The following ZFP62 variants were observed in gnomAD, a reference collection of about 807,000 sequenced individuals.
ZFP62 encodes the protein ZFP62 zinc finger protein, also known as zinc finger protein 62 homolog.
In ZFP62, 44 loss-of-function variants were observed where a neutral mutation model predicts 56.4. That is an observed-to-expected ratio of 0.78 (90% CI 0.61 to 1.00). The LOEUF is 1.00. Ranked by LOEUF, ZFP62 falls within the 50% of genes least tolerant of loss-of-function variation. ZFP62 has a pLI of 0.00. For missense variants in ZFP62, 1,030 were observed against 1,085.7 expected (o/e 0.95, Z 0.72); for synonymous variants, 421 against 388.9 (o/e 1.08, Z -0.97).
intron 1 of ZFP62, among the ~76,000 whole-genome samples, chr5:180,854,688 A>G (rs148311121): frequency 6.6e-6 from 1 of 152,230 alleles, no homozygotes; most frequent in Admixed American, 6.5e-5. Context: ...AGTAGGGAGA[A>G]GGACACATCA....
chr5:180,843,652 TAAAGC>T (rs1182771667), downstream of ZFP62, among the ~76,000 whole-genome samples: 7 of 152,336 alleles, frequency 4.6e-5, no homozygotes, highest in Admixed American at 3.9e-4. Flanking sequence ...CTCAAATATA[TAAAGC>T]AAAGTTCACA....
At chr5:180,857,993 C>T (rs547004913) in intron 1 of ZFP62, among the ~76,000 whole-genome samples, 2 of 151,446 alleles carry the variant, frequency 1.3e-5, no homozygotes, top group South Asian at 4.2e-4. Flanking sequence ...TGGCTCACGC[C>T]TATAAGCCCA....
intron 1 of ZFP62, among the ~76,000 whole-genome samples, chr5:180,853,220 T>A (rs1773803655): frequency 6.6e-6 from 1 of 152,204 alleles, no homozygotes; most frequent in Non-Finnish European, 1.5e-5. Flanking sequence ...CTGGAGCATA[T>A]ACACAACGGA....
chr5:180,849,821 T>C lies in ZFP62; in HGVS notation c.1674A>G (p.Glu558=), dbSNP rs772630913. ...CACATTCTTCACATTTGTAAGGTCG[T>C]TCCCCAGTGTGGATTCGTTTATGTA... ...LKVHKRIHTG[E]RPYKCEECGK... is the part of the protein sequence containing the mutation. The change falls in exon 2 of 2, where the codon GAA becomes GAG. Residue 558 remains glutamate (E), a synonymous_variant. Transcript: ENST00000502412. The C allele has an allele frequency of 7.1e-6, 11 of 1,551,992 alleles. No individual in the cohort carries two copies. The highest frequency in any genetic ancestry group is 9.6e-6 in the Non-Finnish European group (11 of 1,147,076).
At position 180,848,328 on chromosome 5, in the gene ZFP62, C is replaced by G. The variant is rs1351801158; in HGVS notation, c.*464G>C. On this transcript the variant is annotated 3_prime_UTR_variant, in exon 2 of 2. Coordinates refer to ENST00000502412, the MANE Select transcript of ZFP62 (RefSeq NM_001172638.2). Reference sequence around the variant, plus strand: ...TAAATTTATATTCCCTGAAACCTATCCTCCCTGAATTTGCCTGTTGGAGGC... The same window carrying G: ...TAAATTTATATTCCCTGAAACCTATGCTCCCTGAATTTGCCTGTTGGAGGC... 2.0e-6 allele frequency: 2 copies of G among 986,668 alleles called. No individual in the cohort carries two copies. Among genetic ancestry groups the G allele is most frequent in the Non-Finnish European group, 2.4e-6 (2 of 830,920 alleles). The allele number at this position is 986,668 out of a possible 1,614,324, so 61.1% of individuals were successfully genotyped here. A position where few individuals can be genotyped will look rare whatever the true frequency, so the allele number is the denominator to read the frequency against.
the ZFP62 span, among the ~76,000 whole-genome samples, chr5:180,841,168 T>C: frequency 2.6e-4 from 39 of 152,202 alleles, no homozygotes; most frequent in African/African-American, 8.7e-4. Context: ...GATATTGTTT[T>C]GTGGAAAGAA....
chr5:180,841,823 G>A, the ZFP62 span, among the ~76,000 whole-genome samples: 1 of 152,216 alleles, frequency 6.6e-6, no homozygotes, highest in African/African-American at 2.4e-5. Flanking sequence ...GGAAGCTGGG[G>A]TGGGCAGATC....
the ZFP62 span, among the ~76,000 whole-genome samples, chr5:180,841,318 C>CAT: frequency 2.1e-4 from 9 of 42,438 alleles, no homozygotes; most frequent in South Asian, 9.9e-3. Flanking sequence ...TATACATACA[C>CAT]ACATATATAT....
the ZFP62 span, chr5:180,834,207 A>G: frequency 6.6e-6 from 1 of 152,238 alleles, no homozygotes; most frequent in Non-Finnish European, 1.5e-5. Context: ...GGTAATTTAT[A>G]TAGAACAGAT....
At chr5:180,853,415 A>G (rs573955654) in intron 1 of ZFP62, among the ~76,000 whole-genome samples, 1 of 152,376 alleles carries the variant, frequency 6.6e-6, no homozygotes, top group South Asian at 2.1e-4. Context: ...AATGAGGTTC[A>G]TCACCTACAA....
chr5:180,852,051 A>G (rs1773740023), intron 1 of ZFP62: 1 of 984,460 alleles, frequency 1.0e-6, no homozygotes, highest in Non-Finnish European at 1.2e-6. Flanking sequence ...GAGATGAGGA[A>G]GAAGGCAACC....
At chr5:180,857,607 C>T (rs1774059850) in intron 1 of ZFP62, among the ~76,000 whole-genome samples, 1 of 152,126 alleles carries the variant, frequency 6.6e-6, no homozygotes, top group Admixed American at 6.5e-5. Flanking sequence ...AAGCGATTCT[C>T]CTGCCTCAGC....
At position 180,849,237 on chromosome 5, in the gene ZFP62, CCT is replaced by C. The variant is rs1554136026; in HGVS notation, c.2256_2257del (p.Lys755ThrfsTer5). 282 of 1,558,300 alleles carry C rather than the reference CCT, an allele frequency of 1.8e-4. No homozygotes were observed. The highest frequency in any genetic ancestry group is 2.0e-4 in the Non-Finnish European group (233 of 1,150,968). ...CCTATCACACACATAGGGTTTCTCC[CCT>C]GTGTGGATCCTCTTGTGCTGAGAAA... On this transcript the variant is annotated frameshift_variant, in exon 2 of 2. Transcript: ENST00000502412. LOFTEE classifies it high-confidence loss of function.
At position 180,860,711 on chromosome 5, in the gene ZFP62, G is replaced by GT. The variant is rs917204588; in HGVS notation, c.1+507dup. The GT allele has an allele frequency of 2.7e-5, 4 of 148,478 alleles. 1 individual carries two copies. Among genetic ancestry groups the GT allele is most frequent in the African/African-American group, 1.0e-4 (4 of 40,188 alleles). 9.2% of individuals were successfully genotyped at this position (148,478 alleles called of 1,614,324 possible). A position where few individuals can be genotyped will look rare whatever the true frequency, so the allele number is the denominator to read the frequency against. On this transcript the variant is annotated intron_variant, in intron 1 of 1. Transcript: ENST00000502412. ...GACCAAAAAAAAAAAAGAAAAAAAG[G>GT]TGGTGGGGTGGAGCGGAGGGGAAGA...
At chr5:180,860,911 G>C (rs917131534) in intron 1 of ZFP62, among the ~76,000 whole-genome samples, 1 of 152,186 alleles carries the variant, frequency 6.6e-6, no homozygotes, top group Non-Finnish European at 1.5e-5. Flanking sequence ...CACCGGAGCG[G>C]GGCCCTGGCC....
At chr5:180,842,675 A>C (rs895460519), downstream of ZFP62, among the ~76,000 whole-genome samples, 1 of 152,254 alleles carries the variant, frequency 6.6e-6, no homozygotes, top group Non-Finnish European at 1.5e-5. Context: ...AGGACAGAGT[A>C]TTCTAAAGAA....
At chr5:180,856,495 C>A (rs992850052) in intron 1 of ZFP62, among the ~76,000 whole-genome samples, 1 of 152,162 alleles carries the variant, frequency 6.6e-6, no homozygotes, top group Non-Finnish European at 1.5e-5. Context: ...TCAGTTATTT[C>A]TGAGGCTAAG....
the ZFP62 span, among the ~76,000 whole-genome samples, chr5:180,827,527 C>A: frequency 1.3e-5 from 2 of 152,124 alleles, no homozygotes; most frequent in African/African-American, 4.8e-5. Context: ...TCACCACTCC[C>A]TAATCTCAAG....
rs1469388685 is a variant in ZFP62, at chr5:180,850,755, T to C, written c.740A>G (p.His247Arg). 6.2e-7 allele frequency: 1 copy of C among 1,605,586 alleles called. No homozygotes were observed. Among genetic ancestry groups the C allele is most frequent in the African/African-American group, 1.3e-5 (1 of 74,826 alleles). Residue 247 changes from histidine (H) to arginine (R), a missense_variant, in exon 2 of 2, where the codon CAC becomes CGC. Transcript: ENST00000502412. ...SSVLDQHKRI[H>R]TGEKPYECGE... is the part of the protein sequence containing the mutation. ...ACATTCATAGGGCTTCTCCCCAGTGTGGATCCTTTTATGCTGGTCCAGAAC... is the reference window on the plus strand; with the variant it reads ...ACATTCATAGGGCTTCTCCCCAGTGCGGATCCTTTTATGCTGGTCCAGAAC...
Sources: allele counts gnomAD v4.1 joint callset (sites outside exome capture counted in the v4.1 genomes callset), GRCh38; gene constraint gnomAD v4.1.1; transcripts MANE v1.5; gene names NCBI Gene and HGNC (gene_info 2026-07-23, HGNC 2026-07-21).